BMAL2: variants seen among roughly 807,000 people sequenced by gnomAD.
The protein encoded by BMAL2 is basic helix-loop-helix ARNT like 2.
At chr12:27,347,961 T>G in the BMAL2 span, among the ~76,000 whole-genome samples, 1 of 152,220 alleles carries the variant, frequency 6.6e-6, no homozygotes, top group Non-Finnish European at 1.5e-5. Context: ...TCCTTACTGG[T>G]CTGACAGACA....
At chr12:27,401,591 A>G in the BMAL2 span, 1 of 1,610,992 alleles carries the variant, frequency 6.2e-7, no homozygotes, top group Non-Finnish European at 8.5e-7. Context: ...GCTCTTTTGT[A>G]ACTTTAAAAA....
At chr12:27,390,065 A>T in the BMAL2 span, 2 of 1,606,864 alleles carry the variant, frequency 1.2e-6, no homozygotes, top group Non-Finnish European at 1.7e-6. Context: ...ATTCTTTTCC[A>T]CCTATTCTCT....
At chr12:27,360,679 A>G in the BMAL2 span, among the ~76,000 whole-genome samples, 1 of 151,818 alleles carries the variant, frequency 6.6e-6, no homozygotes, top group Non-Finnish European at 1.5e-5. Flanking sequence ...AGCATCAGTA[A>G]CCTTCTGGTT....
chr12:27,418,662 A>G, the BMAL2 span, among the ~76,000 whole-genome samples: 1 of 151,826 alleles, frequency 6.6e-6, no homozygotes, highest in Admixed American at 6.6e-5. Flanking sequence ...CTAAATAACA[A>G]TAATTGTACT....
chr12:27,370,111 A>G, the BMAL2 span: 1 of 1,597,126 alleles, frequency 6.3e-7, no homozygotes, highest in Non-Finnish European at 8.6e-7. Flanking sequence ...GGGTGACCCA[A>G]GGCCTCCTTC....
chr12:27,420,050 A>AC, the BMAL2 span, among the ~76,000 whole-genome samples: 18 of 59,552 alleles, frequency 3.0e-4, no homozygotes, highest in African/African-American at 1.0e-3. Context: ...CACACACACA[A>AC]ACATACACTA....
the BMAL2 span, among the ~76,000 whole-genome samples, chr12:27,338,974 T>C: frequency 3.3e-5 from 5 of 152,178 alleles, no homozygotes; most frequent in African/African-American, 4.8e-5. Flanking sequence ...AACTTTTATT[T>C]TAAGTTCAAG....
the BMAL2 span, chr12:27,387,110 T>C: frequency 4.3e-6 from 3 of 690,022 alleles, no homozygotes; most frequent in Non-Finnish European, 7.6e-6. Context: ...GCTCCATGAC[T>C]ACTCTGTTAG....
At chr12:27,360,770 A>G in the BMAL2 span, among the ~76,000 whole-genome samples, 1 of 132,770 alleles carries the variant, frequency 7.5e-6, no homozygotes, top group Non-Finnish European at 1.6e-5. Flanking sequence ...TCCATCTTAA[A>G]GAAATAGGGT....
At chr12:27,408,318 G>A in the BMAL2 span, among the ~76,000 whole-genome samples, 1 of 152,174 alleles carries the variant, frequency 6.6e-6, no homozygotes, top group Non-Finnish European at 1.5e-5. Context: ...CAATATCCCT[G>A]ATGAACATGG....
the BMAL2 span, chr12:27,376,405 A>G: frequency 6.2e-7 from 1 of 1,612,324 alleles, no homozygotes; most frequent in Non-Finnish European, 8.5e-7. Context: ...TGACTTGTTG[A>G]GATGGTACAT....
chr12:27,343,207 C>T, the BMAL2 span, among the ~76,000 whole-genome samples: 1 of 152,202 alleles, frequency 6.6e-6, no homozygotes. Flanking sequence ...TGTTTAAACA[C>T]TGTATTTAAC....
the BMAL2 span, among the ~76,000 whole-genome samples, chr12:27,337,879 TC>T: frequency 6.6e-6 from 1 of 152,214 alleles, no homozygotes; most frequent in African/African-American, 2.4e-5. Context: ...TTTCCCCTTT[TC>T]CTCATGCAAC....
the BMAL2 span, among the ~76,000 whole-genome samples, chr12:27,405,659 AG>A: frequency 1.2e-4 from 18 of 152,356 alleles, no homozygotes; most frequent in Admixed American, 3.9e-4. Context: ...AAAACAGAGC[AG>A]AAAAACTGGA....
chr12:27,339,551 A>C, the BMAL2 span, among the ~76,000 whole-genome samples: 10 of 152,224 alleles, frequency 6.6e-5, no homozygotes, highest in South Asian at 2.1e-3. Flanking sequence ...ACAATGGTTG[A>C]ACTAATTTAC....
chr12:27,364,529 C>CT, the BMAL2 span, among the ~76,000 whole-genome samples: 1 of 152,128 alleles, frequency 6.6e-6, no homozygotes, highest in Admixed American at 6.6e-5. Flanking sequence ...ATTCATCTGT[C>CT]TATCCTCATA....
the BMAL2 span, chr12:27,402,541 A>T: frequency 8.4e-7 from 1 of 1,189,580 alleles, no homozygotes; most frequent in Non-Finnish European, 1.2e-6. Flanking sequence ...CAAATTAAAT[A>T]TACAGATCTT....
chr12:27,333,762 C>T, the BMAL2 span, among the ~76,000 whole-genome samples: 11,632 of 152,298 alleles, frequency 0.076, 511 homozygotes, highest in South Asian at 0.11. Context: ...TCAGGAAAGC[C>T]GTCAGTGGAG....
the BMAL2 span, chr12:27,389,322 T>C: frequency 2.1e-6 from 3 of 1,437,326 alleles, no homozygotes; most frequent in Non-Finnish European, 2.9e-6. Flanking sequence ...CGCATGCTTA[T>C]TATTTTATGT....
Sources: gnomAD v4.1 joint callset for allele counts (sites outside exome capture counted in the v4.1 genomes callset) on GRCh38, gnomAD v4.1.1 for gene constraint, MANE v1.5 for transcripts, NCBI Gene and HGNC (gene_info 2026-07-23, HGNC 2026-07-21) for gene names.